Variants in ZZZ3 observed in about 807,000 individuals in gnomAD.
The protein encoded by ZZZ3 is ZZ-type zinc finger-containing protein 3.
In ZZZ3, 22 loss-of-function variants were observed where a neutral mutation model predicts 95.2. That is an observed-to-expected ratio of 0.23 (90% CI 0.17 to 0.33). ZZZ3 has a LOEUF of 0.33. Among genes scored for constraint, ZZZ3 ranks in the 10% least tolerant of loss-of-function variants. The probability of loss-of-function intolerance (pLI) is 1.00; values close to 1 mark genes in which losing one functional copy is unlikely to be tolerated. For missense variants in ZZZ3, 885 were observed against 1,066.5 expected (o/e 0.83, Z 2.37); for synonymous variants, 335 against 358.9 (o/e 0.93, Z 0.75).
At chr1:77,586,369 A>T (rs751596273) in intron 5 of ZZZ3, among the ~76,000 whole-genome samples, 2 of 152,214 alleles carry the variant, frequency 1.3e-5, no homozygotes, top group Non-Finnish European at 2.9e-5. Context: ...TGAATCTATT[A>T]AAACTTCAGT....
At chr1:77,621,114 G>A (rs1407639293) in intron 5 of ZZZ3, among the ~76,000 whole-genome samples, 3 of 152,048 alleles carry the variant, frequency 2.0e-5, no homozygotes, top group Admixed American at 2.0e-4. Flanking sequence ...TAAAGATAAA[G>A]TTTAACAATA....
chr1:77,602,301 G>A (rs765387110), intron 5 of ZZZ3, among the ~76,000 whole-genome samples: 1 of 152,194 alleles, frequency 6.6e-6, no homozygotes, highest in Admixed American at 6.5e-5. Context: ...AAAAGGTGCA[G>A]CTGTAACAAA....
rs5775412 is a variant in ZZZ3 at position 77,670,072 on chromosome 1, ACC to A, written c.-403+12511_-403+12512del. On this transcript the variant is annotated intron_variant, in intron 1 of 14. Transcript: ENST00000370801. ...ACCTATTAATATAATAAATATTGTG[ACC>A]CCCCCCCCCCATATTACTCCCTTGA... is the stretch of plus-strand genomic sequence containing the variant. Among the ~76,000 whole-genome samples the A allele has an allele frequency of 8.3e-3, 947 of 113,840 alleles. 9 individuals are homozygous for A. The highest frequency in any genetic ancestry group is 0.021 in the East Asian group (72 of 3,432). 74.7% of individuals were successfully genotyped at this position (113,840 alleles called of 152,430 possible).
intron 6 of ZZZ3, among the ~76,000 whole-genome samples, chr1:77,583,323 C>T (rs1662723574): frequency 6.6e-6 from 1 of 152,062 alleles, no homozygotes; most frequent in African/African-American, 2.4e-5. Context: ...CTAACACCAT[C>T]TGTTTTAGTT....
chr1:77,600,672 C>A (rs369890575), intron 5 of ZZZ3, among the ~76,000 whole-genome samples: 1 of 152,044 alleles, frequency 6.6e-6, no homozygotes, highest in Admixed American at 6.6e-5. Context: ...TTGTTCCAAA[C>A]AGAAGAGATA....
intron 5 of ZZZ3, among the ~76,000 whole-genome samples, chr1:77,589,707 G>A (rs534330684): frequency 8.9e-4 from 135 of 151,652 alleles, no homozygotes; most frequent in African/African-American, 2.9e-3. Context: ...CACTCCTCCC[G>A]CCACAGCCTC....
chr1:77,640,548 C>A (rs1163273663), intron 3 of ZZZ3, among the ~76,000 whole-genome samples: 4 of 145,466 alleles, frequency 2.7e-5, no homozygotes, highest in African/African-American at 1.0e-4. Flanking sequence ...TGCAGTGAGC[C>A]AAGATCACCC....
intron 12 of ZZZ3, among the ~76,000 whole-genome samples, chr1:77,570,512 C>G (rs1335384523): frequency 6.6e-6 from 1 of 152,094 alleles, no homozygotes; most frequent in Admixed American, 6.5e-5. Context: ...TCCTTTGCCC[C>G]TTACCATTAC....
At chr1:77,630,870 A>C (rs1667741389) in intron 5 of ZZZ3, among the ~76,000 whole-genome samples, 1 of 152,244 alleles carries the variant, frequency 6.6e-6, no homozygotes, top group Non-Finnish European at 1.5e-5. Flanking sequence ...CAATTGTCAC[A>C]ACAAAACCAC....
chr1:77,676,255 CT>C (rs947900694), intron 1 of ZZZ3, among the ~76,000 whole-genome samples: 1 of 152,164 alleles, frequency 6.6e-6, no homozygotes, highest in Non-Finnish European at 1.5e-5. Flanking sequence ...TAGCCTCAAT[CT>C]TTTGGGGTCA....
intron 12 of ZZZ3, among the ~76,000 whole-genome samples, chr1:77,570,043 G>A (rs925119515): frequency 6.6e-6 from 1 of 152,156 alleles, no homozygotes; most frequent in African/African-American, 2.4e-5. Context: ...TTTATATCAA[G>A]TAAACAAAAG....
rs1297833218 is a variant in ZZZ3, at chr1:77,641,402, T to G, written c.-224A>C. The G allele has an allele frequency of 2.5e-6, 1 of 393,518 alleles. No homozygotes were observed. The highest frequency in any genetic ancestry group is 4.5e-6 in the Non-Finnish European group (1 of 223,246). The allele number at this position is 393,518 out of a possible 1,614,324, so 24.4% of individuals were successfully genotyped here. A position where few individuals can be genotyped will look rare whatever the true frequency, so the allele number is the denominator to read the frequency against. On this transcript the variant is annotated 5_prime_UTR_variant, in exon 3 of 15. The change abolishes an upstream ATG in the 5' untranslated region. Transcript: ENST00000370801. ...TACTTACAGCTGAGCTCTATCAGCA[T>G]TAAGATAGACAGGATCCTGCAGTGT... is the stretch of plus-strand genomic sequence containing the variant.
chr1:77,584,584 C>A lies in ZZZ3; in HGVS notation c.1577G>T (p.Ser526Ile). ...QRSQAVQDLESLGRHQREALK... is the reference protein window; with the variant it reads ...QRSQAVQDLEILGRHQREALK... ...TGCTTCTCTCTGGTGCCTGCCTAAA[C>A]TTTCAAGGTCTTGGACTGCTTGAGA... The change falls in exon 6 of 15, where the codon AGT (serine) becomes ATT (isoleucine). Residue 526 changes from serine to isoleucine, a missense_variant. Physicochemically the swap from Ser to Ile is moderately radical, Grantham distance 142. Transcript: ENST00000370801. The A allele has an allele frequency of 6.2e-7, 1 of 1,613,408 alleles. No homozygotes were observed. The highest frequency in any genetic ancestry group is 8.5e-7 in the Non-Finnish European group (1 of 1,179,746).
At chr1:77,659,889 G>C (rs1164694413) in intron 1 of ZZZ3, among the ~76,000 whole-genome samples, 1 of 152,108 alleles carries the variant, frequency 6.6e-6, no homozygotes, top group East Asian at 1.9e-4. Context: ...CTAGAGGGCA[G>C]TGGCAGGACA....
intron 5 of ZZZ3, among the ~76,000 whole-genome samples, chr1:77,626,617 C>T (rs747018500): frequency 1.4e-4 from 22 of 152,178 alleles, no homozygotes; most frequent in Non-Finnish European, 2.6e-4. Context: ...CAGTTCCTAA[C>T]AGGCCATGGA....
At chr1:77,617,667 G>C (rs1666442126) in intron 5 of ZZZ3, among the ~76,000 whole-genome samples, 1 of 151,836 alleles carries the variant, frequency 6.6e-6, no homozygotes, top group Non-Finnish European at 1.5e-5. Context: ...AGCCAGACGT[G>C]GTGGCTCATG....
intron 12 of ZZZ3, among the ~76,000 whole-genome samples, chr1:77,572,615 G>A (rs893036467): frequency 6.6e-6 from 1 of 151,888 alleles, no homozygotes; most frequent in Non-Finnish European, 1.5e-5. Context: ...TGGGATTACA[G>A]GTGTGAGACA....
chr1:77,644,991 G>A (rs1018670342), intron 1 of ZZZ3, among the ~76,000 whole-genome samples: 2 of 152,138 alleles, frequency 1.3e-5, no homozygotes, highest in East Asian at 3.9e-4. Flanking sequence ...AAGAGACCGA[G>A]GCAGAAGGAT....
At chr1:77,682,975 C>A (rs12040261), upstream of ZZZ3, among the ~76,000 whole-genome samples, 2 of 152,248 alleles carry the variant, frequency 1.3e-5, no homozygotes, top group East Asian at 2.0e-4. Flanking sequence ...TCGGCGTGCC[C>A]GTCACGTGGG....
Sources: allele counts gnomAD v4.1 joint callset (sites outside exome capture counted in the v4.1 genomes callset), GRCh38; gene constraint gnomAD v4.1.1; transcripts MANE v1.5; gene names NCBI Gene and HGNC (gene_info 2026-07-23, HGNC 2026-07-21).